KSR1: variants seen among roughly 807,000 people sequenced by gnomAD.
KSR1 encodes the protein kinase suppressor of ras 1.
Under a neutral mutation model 92.9 loss-of-function variants are expected in KSR1, and 35 were observed. That is an observed-to-expected ratio of 0.38 (90% CI 0.29 to 0.50). The LOEUF is 0.50. Among genes scored for constraint, KSR1 ranks in the 20% least tolerant of loss-of-function variants. The pLI is 0.94. For synonymous variants in KSR1, 467 were observed against 472.6 expected (o/e 0.99, Z 0.15); for missense variants, 972 against 1,158.5 (o/e 0.84, Z 2.34).
chr17:27,530,187 G>A (rs1000631072), intron 1 of KSR1, among the ~76,000 whole-genome samples: 10 of 152,184 alleles, frequency 6.6e-5, no homozygotes, highest in Admixed American at 2.6e-4. Context: ...GGGGCTGGGC[G>A]CAGTCCCAGC....
Position 27,456,843 on chromosome 17 carries a change from A to T in KSR1, c.200A>T (p.Asp67Val). The T allele has an allele frequency of 1.7e-6, 2 of 1,205,088 alleles. No individual in the cohort carries two copies. The highest frequency in any genetic ancestry group is 2.4e-6 in the Non-Finnish European group (2 of 822,934). The allele number at this position is 1,205,088 out of a possible 1,614,324, so 74.6% of individuals were successfully genotyped here. ...GLRTKCAVSN[D>V]LTQQEIRTLE... The stretch of plus-strand genomic sequence containing the variant: ...CGCACCAAGTGCGCTGTGTCCAACG[A>T]CCTCACCCAGCAGGAGATACGGACC... Residue 67 changes from aspartate to valine, a missense_variant, in exon 1 of 21, where the codon GAC (aspartate) becomes GTC (valine). This residue lies in a region of KSR1 where 611 missense variants were observed against 668.0 expected (regional missense o/e 0.91). Coordinates refer to ENST00000644974, the MANE Select transcript of KSR1 (RefSeq NM_001394583.1).
intron 1 of KSR1, among the ~76,000 whole-genome samples, chr17:27,509,866 C>T (rs2150999086): frequency 6.6e-6 from 1 of 152,262 alleles, no homozygotes; most frequent in Middle Eastern, 3.4e-3. Context: ...AAATAAAAGC[C>T]AGAGCCCTTC....
chr17:27,595,664 G>A (rs1050940780), intron 9 of KSR1, among the ~76,000 whole-genome samples: 3 of 125,204 alleles, frequency 2.4e-5, no homozygotes, highest in African/African-American at 9.6e-5. Flanking sequence ...TAGTGCAGCA[G>A]CCCTCCCTTC....
At chr17:27,526,616 C>T in intron 1 of KSR1, 1 of 1,573,400 alleles carries the variant, frequency 6.4e-7, no homozygotes, top group Non-Finnish European at 8.7e-7. Context: ...TGATCATGTT[C>T]AGTCCTCGTG....
chr17:27,478,128 T>G lies in KSR1; in HGVS notation c.231+21254T>G, dbSNP rs184684413. ...CTTTTTACCCAGAAATTCCAGGGCT[T>G]AGCCCAGTACTTGGCACACAGTAAG... On this transcript the variant is annotated intron_variant, in intron 1 of 20. Coordinates refer to ENST00000644974, the MANE Select transcript of KSR1 (RefSeq NM_001394583.1). Among the ~76,000 whole-genome samples, 3 of 152,328 alleles carry G rather than the reference T, an allele frequency of 2.0e-5. No individual in the cohort carries two copies. The East Asian group carries it at 5.8e-4, about 29-fold the overall frequency.
At chr17:27,613,067 C>G (rs2073962277) in intron 18 of KSR1, 1 of 152,146 alleles carries the variant, frequency 6.6e-6, no homozygotes, top group South Asian at 2.1e-4. Context: ...ACGGGGATGC[C>G]CCTCCAAAGA....
At chr17:27,552,764 G>A (rs548053630) in intron 2 of KSR1, among the ~76,000 whole-genome samples, 3 of 152,338 alleles carry the variant, frequency 2.0e-5, no homozygotes, top group African/African-American at 7.2e-5. Context: ...TTCCTGGGAG[G>A]CCTCTGCTAT....
At chr17:27,570,610 T>G (rs1413041048) in intron 2 of KSR1, among the ~76,000 whole-genome samples, 1 of 152,186 alleles carries the variant, frequency 6.6e-6, no homozygotes, top group Non-Finnish European at 1.5e-5. Flanking sequence ...CTCCCTACTG[T>G]GAGCCCCTAT....
intron 5 of KSR1, among the ~76,000 whole-genome samples, chr17:27,586,216 T>A (rs529275432): frequency 1.2e-4 from 19 of 152,182 alleles, no homozygotes; most frequent in African/African-American, 4.6e-4. Flanking sequence ...TGACCCCCTT[T>A]CCCACCCCCA....
In KSR1 at chr17:27,585,820, A is replaced by T. The variant is rs1051092285; in HGVS notation, c.985+159A>T. The T allele has an allele frequency of 4.4e-6, 3 of 678,102 alleles. No homozygotes were observed. The African/African-American group carries it at 5.3e-5, about 12-fold the overall frequency. 42.0% of individuals were successfully genotyped at this position (678,102 alleles called of 1,614,324 possible). A position where few individuals can be genotyped will look rare whatever the true frequency, so the allele number is the denominator to read the frequency against. ...GGTGACCACCTCAGGAAATAGCCCT[A>T]AGACAGGTGGCCTTAAAGTGACTGG... is the stretch of plus-strand genomic sequence containing the variant. On this transcript the variant is annotated intron_variant, in intron 5 of 20. Coordinates refer to ENST00000644974, the MANE Select transcript of KSR1 (RefSeq NM_001394583.1).
intron 2 of KSR1, among the ~76,000 whole-genome samples, chr17:27,553,484 C>T (rs2071476780): frequency 6.6e-6 from 1 of 152,164 alleles, no homozygotes. Flanking sequence ...TCCTTCCGTC[C>T]CCCCAGTTGG....
At chr17:27,590,755 GC>G in intron 6 of KSR1, 55 bp from the exon 7 acceptor site, 2 of 1,522,680 alleles carry the variant, frequency 1.3e-6, no homozygotes, top group South Asian at 2.4e-5. Context: ...ACCTTCTGTG[GC>G]TGGGCCTTGG....
At position 27,550,553 on chromosome 17, in the gene KSR1, T is replaced by C. The variant is rs1223335582; in HGVS notation, c.232-15T>C. The C allele has an allele frequency of 2.6e-6, 2 of 764,166 alleles. No homozygotes were observed. Among genetic ancestry groups the C allele is most frequent in the Non-Finnish European group, 2.4e-6 (1 of 416,926 alleles). 47.3% of individuals were successfully genotyped at this position (764,166 alleles called of 1,614,324 possible). A position where few individuals can be genotyped will look rare whatever the true frequency, so the allele number is the denominator to read the frequency against. ...GCAGATGAACACAGGCTTTTCTTTT[T>C]TGGACTTTCTGCAGGCGAAGCTGGT... is the stretch of plus-strand genomic sequence containing the variant. On this transcript the variant is annotated splice_polypyrimidine_tract_variant and intron_variant, in intron 1 of 20. Coordinates refer to ENST00000644974, the MANE Select transcript of KSR1 (RefSeq NM_001394583.1).
Position 27,617,395 on chromosome 17 carries a change from T to C in KSR1, c.2594T>C (p.Leu865Pro), listed in dbSNP as rs1430930119. ...AAACTTCCCAAGCTGAACCGGCGGC[T>C]CTCCCACCCTGGACACTTCTGGAAG... ...LEKLPKLNRR[L>P]SHPGHFWKSA... The change falls in exon 19 of 21, where the codon CTC becomes CCC. Residue 865 changes from leucine to proline, a missense_variant. Coordinates refer to ENST00000644974, the MANE Select transcript of KSR1 (RefSeq NM_001394583.1). 2 of 1,612,594 alleles carry C rather than the reference T, an allele frequency of 1.2e-6. No individual in the cohort carries two copies. Among genetic ancestry groups the C allele is most frequent in the Non-Finnish European group, 1.7e-6 (2 of 1,179,182 alleles).
intron 14 of KSR1, among the ~76,000 whole-genome samples, 164 bp from the exon 15 acceptor site, chr17:27,607,750 C>T (rs547295069): frequency 6.6e-6 from 1 of 152,094 alleles, no homozygotes; most frequent in Non-Finnish European, 1.5e-5. Context: ...CAGGCCAGGC[C>T]CCAGCAGGAC....
At chr17:27,582,137 A>T (rs2072784206) in intron 3 of KSR1, among the ~76,000 whole-genome samples, 1 of 152,114 alleles carries the variant, frequency 6.6e-6, no homozygotes, top group Non-Finnish European at 1.5e-5. Flanking sequence ...AGACCTGCCC[A>T]TAAGAGCCCT....
chr17:27,507,563 CTTTTTTTTT>C (rs751092460), intron 1 of KSR1, among the ~76,000 whole-genome samples: 8 of 43,320 alleles, frequency 1.8e-4, no homozygotes, highest in Admixed American at 3.6e-4. Flanking sequence ...TATTGTTTGG[CTTTTTTTTT>C]TTTTTTTTTT....
rs1183211904 is a variant in KSR1 at position 27,624,167 on chromosome 17, A to T, written c.*775A>T. On this transcript the variant is annotated 3_prime_UTR_variant, in exon 21 of 21. Transcript: ENST00000644974. ...GATGTGAGTCTTTGATGAAGCCCCCAGGCAGGCACCAAGGTGATGGGACTC... is the reference window on the plus strand; with the variant it reads ...GATGTGAGTCTTTGATGAAGCCCCCTGGCAGGCACCAAGGTGATGGGACTC... 6.6e-6 allele frequency: 1 copy of T among 152,412 alleles called. No homozygotes were observed. The highest frequency in any genetic ancestry group is 1.5e-5 in the Non-Finnish European group (1 of 68,184). 9.4% of individuals were successfully genotyped at this position (152,412 alleles called of 1,614,324 possible). A position where few individuals can be genotyped will look rare whatever the true frequency, so the allele number is the denominator to read the frequency against.
intron 1 of KSR1, among the ~76,000 whole-genome samples, chr17:27,461,591 T>G (rs541115126): frequency 2.6e-5 from 4 of 152,350 alleles, no homozygotes; most frequent in Admixed American, 2.6e-4. Flanking sequence ...CTGGCCCTTT[T>G]TTGTGTCCAC....
Sources: gnomAD v4.1 joint callset for allele counts (sites outside exome capture counted in the v4.1 genomes callset) on GRCh38, gnomAD v4.1.1 for gene constraint, gnomAD v4.1.1 regional missense constraint, MANE v1.5 for transcripts, NCBI Gene and HGNC (gene_info 2026-07-23, HGNC 2026-07-21) for gene names.